Variants in PI4KA observed in about 807,000 individuals in gnomAD.
The protein encoded by PI4KA is PI4-kinase alpha.
A neutral mutation model predicts 271.4 loss-of-function variants in PI4KA; 122 were observed. The observed-to-expected ratio is 0.45, with a 90% CI of 0.39 to 0.52. The LOEUF is 0.52. Among genes scored for constraint, PI4KA ranks in the 20% least tolerant of loss-of-function variants. The pLI, the probability that PI4KA is intolerant of heterozygous loss-of-function variation, is 0.00. For synonymous variants in PI4KA, 1,041 were observed against 1,078.8 expected, an observed-to-expected ratio of 0.96 and a Z score of 0.69; for missense variants, 1,969 against 2,769.1, an observed-to-expected ratio of 0.71 and a Z score of 6.48.
At chr22:20,858,359 C>G (rs1315465201) in intron 1 of PI4KA, among the ~76,000 whole-genome samples, 1 of 151,948 alleles carries the variant, frequency 6.6e-6, no homozygotes, top group Non-Finnish European at 1.5e-5. Flanking sequence ...CTGCAGGCCC[C>G]GCCGACCCTT....
chr22:20,741,538 G>A (rs976619460), intron 32 of PI4KA, among the ~76,000 whole-genome samples: 11 of 152,056 alleles, frequency 7.2e-5, no homozygotes, highest in Admixed American at 2.0e-4. Flanking sequence ...CAAACCCCAC[G>A]AGGTTATAAA....
At chr22:20,811,137 G>T in intron 8 of PI4KA, 105 bp from the exon 9 acceptor site, 1 of 838,628 alleles carries the variant, frequency 1.2e-6, no homozygotes, top group Non-Finnish European at 2.1e-6. Context: ...TGAAAAATGT[G>T]ATGCAGATAA....
intron 19 of PI4KA, chr22:20,785,892 G>A: frequency 2.8e-6 from 4 of 1,410,828 alleles, no homozygotes; most frequent in Non-Finnish European, 4.0e-6. Flanking sequence ...TTTAATAAGT[G>A]CTATATCAAT....
chr22:20,769,556 G>C (rs771390011), intron 19 of PI4KA, among the ~76,000 whole-genome samples: 10 of 151,924 alleles, frequency 6.6e-5, no homozygotes, highest in Non-Finnish European at 1.3e-4. Context: ...GTAGTCCCAG[G>C]TACTCGGGAG....
At chr22:20,777,043 GTTTTT>G (rs362134) in intron 19 of PI4KA, among the ~76,000 whole-genome samples, 4 of 148,538 alleles carry the variant, frequency 2.7e-5, no homozygotes, top group Admixed American at 2.0e-4. Flanking sequence ...GTTTTTTTTT[GTTTTT>G]TTTTTGTTTT....
intron 42 of PI4KA, among the ~76,000 whole-genome samples, chr22:20,724,204 C>A (rs1927079039): frequency 6.6e-6 from 1 of 151,528 alleles, no homozygotes; most frequent in South Asian, 2.1e-4. Context: ...GCTTGGGAGG[C>A]TGAGGCAGGA....
chr22:20,756,050 A>T (rs1227230578), intron 23 of PI4KA, among the ~76,000 whole-genome samples: 1 of 152,120 alleles, frequency 6.6e-6, no homozygotes, highest in African/African-American at 2.4e-5. Context: ...GAGGCCTTTC[A>T]TAGCTATCTG....
At chr22:20,719,246 CTT>C (rs532552572) in intron 43 of PI4KA, among the ~76,000 whole-genome samples, 2 of 145,930 alleles carry the variant, frequency 1.4e-5, no homozygotes, top group African/African-American at 2.5e-5. Flanking sequence ...GAATACATGT[CTT>C]TTTTTTTTTT....
intron 12 of PI4KA, 37 bp downstream of exon 12, chr22:20,804,263 G>A (rs200781105): frequency 7.2e-6 from 10 of 1,380,026 alleles, no homozygotes; most frequent in Admixed American, 1.7e-5. Flanking sequence ...GGCCCTACAG[G>A]TGGGATCTGA....
chr22:20,745,864 C>A (rs1050475840), intron 29 of PI4KA, among the ~76,000 whole-genome samples: 1 of 151,762 alleles, frequency 6.6e-6, no homozygotes, highest in Non-Finnish European at 1.5e-5. Context: ...TGCAGGCCGG[C>A]TCCCTCCCTT....
At chr22:20,735,977 G>A (rs1928669038) in intron 32 of PI4KA, among the ~76,000 whole-genome samples, 1 of 152,162 alleles carries the variant, frequency 6.6e-6, no homozygotes, top group Non-Finnish European at 1.5e-5. Flanking sequence ...CCAGGGCCTC[G>A]TGGACTCTGG....
intron 2 of PI4KA, among the ~76,000 whole-genome samples, chr22:20,835,777 G>T (rs188583787): frequency 6.7e-6 from 1 of 149,594 alleles, no homozygotes; most frequent in Admixed American, 6.7e-5. Flanking sequence ...GGCCGGGTGC[G>T]GTGGCTCACA....
intron 1 of PI4KA, 75 bp from the exon 2 acceptor site, chr22:20,838,806 A>G (rs868155523): frequency 3.6e-6 from 3 of 841,322 alleles, no homozygotes; most frequent in Admixed American, 3.9e-5. Context: ...AGCTGAGTGC[A>G]GTGTCATATG....
chr22:20,791,952 T>C (rs1934673814), intron 19 of PI4KA, among the ~76,000 whole-genome samples: 1 of 151,774 alleles, frequency 6.6e-6, no homozygotes, highest in Non-Finnish European at 1.5e-5. Flanking sequence ...AATACAAAAA[T>C]TAGCCATGCG....
intron 42 of PI4KA, among the ~76,000 whole-genome samples, chr22:20,724,281 G>T (rs146443455): frequency 6.6e-6 from 1 of 151,148 alleles, no homozygotes; most frequent in East Asian, 2.0e-4. Context: ...CTCCAGCCTG[G>T]GCAACAAGAG....
At chr22:20,816,080 T>C (rs563242429) in intron 7 of PI4KA, among the ~76,000 whole-genome samples, 38 of 152,144 alleles carry the variant, frequency 2.5e-4, no homozygotes, top group Non-Finnish European at 4.9e-4. Context: ...GCTGGGATTA[T>C]AGGTGTGAGC....
In PI4KA at chr22:20,707,963, G is replaced by C. The variant is rs117763143; in HGVS notation, c.*84C>G. 1 of 1,187,412 alleles carries C rather than the reference G, an allele frequency of 8.4e-7. No homozygotes were observed. Among genetic ancestry groups the C allele is most frequent in the Non-Finnish European group, 1.3e-6 (1 of 791,640 alleles). The allele number at this position is 1,187,412 out of a possible 1,614,324, so 73.6% of individuals were successfully genotyped here. A position where few individuals can be genotyped will look rare whatever the true frequency, so the allele number is the denominator to read the frequency against. ...AGGCCTCTCCTCCACTGCATGTGGC[G>C]GCAGGGCAGGGAGGTCGCAGGGCTC... On this transcript the variant is annotated 3_prime_UTR_variant, in exon 55 of 55. Coordinates refer to ENST00000255882, the MANE Select transcript of PI4KA (RefSeq NM_058004.4).
intron 7 of PI4KA, 53 bp from the exon 8 acceptor site, chr22:20,813,559 C>A: frequency 1.3e-6 from 2 of 1,548,844 alleles, no homozygotes; most frequent in South Asian, 2.3e-5. Flanking sequence ...AACTAGGGTA[C>A]TTCCTCAAGC....
In PI4KA at chr22:20,757,809, GC is replaced by G. The variant is rs1213941025; in HGVS notation, c.2791+3494del. Among the ~76,000 whole-genome samples, 3 of 152,188 alleles carry G rather than the reference GC, an allele frequency of 2.0e-5. No homozygotes were observed. In the East Asian group the frequency reaches 5.8e-4, roughly 29 times the overall value. On this transcript the variant is annotated intron_variant, in intron 23 of 54. Coordinates refer to ENST00000255882, the MANE Select transcript of PI4KA (RefSeq NM_058004.4). Reference sequence around the variant, plus strand: ...TCCACCCACTTCAGCCTCCCAGAGTGCTGGGATTACAGGCGTGAGCTACCGC... The same window carrying G: ...TCCACCCACTTCAGCCTCCCAGAGTGTGGGATTACAGGCGTGAGCTACCGC...
Sources: gnomAD v4.1 joint callset for allele counts (sites outside exome capture counted in the v4.1 genomes callset) on GRCh38, gnomAD v4.1.1 for gene constraint, MANE v1.5 for transcripts, NCBI Gene and HGNC (gene_info 2026-07-23, HGNC 2026-07-21) for gene names.